Variants in SEC16A observed in about 807,000 individuals in gnomAD.
SEC16A encodes the protein protein transport protein Sec16A.
A neutral mutation model predicts 221.9 loss-of-function variants in SEC16A; 110 were observed. That is an observed-to-expected ratio of 0.50 (90% CI 0.42 to 0.58). SEC16A has a LOEUF of 0.58. SEC16A is among the 20% of genes least tolerant of loss of function. The pLI is 0.00. For synonymous variants in SEC16A, 1,393 were observed against 1,257.7 expected, an observed-to-expected ratio of 1.11 and a Z score of -2.28; for missense variants, 3,165 against 3,097.8, an observed-to-expected ratio of 1.02 and a Z score of -0.52.
rs755607943 is a variant in SEC16A, at chr9:136,477,433, C to A, written c.183G>T (p.Ala61=). 6.2e-7 allele frequency: 1 copy of A among 1,613,874 alleles called. No individual in the cohort carries two copies. The highest frequency in any genetic ancestry group is 8.5e-7 in the Non-Finnish European group (1 of 1,179,906). The change falls in exon 3 of 32, where the codon GCG becomes GCT. Residue 61 remains alanine, a synonymous_variant. Transcript: ENST00000684901. The part of the protein sequence containing the change: ...VTDPFAFSRQ[A]LQSTPLGSSS... ...AACTGCCCAGTGGTGTACTTTGGAG[C>A]GCCTGTCTACTAAAAGCAAATGGAT...
At chr9:136,462,777 G>C (rs141679241) in intron 12 of SEC16A, 110 bp downstream of exon 12, 12 of 1,266,622 alleles carry the variant, frequency 9.5e-6, no homozygotes, top group Non-Finnish European at 1.1e-6. Context: ...ACACTGCAGC[G>C]CGGATGCTCC....
At chr9:136,464,642 C>G (rs776826152) in intron 8 of SEC16A, 80 bp from the exon 9 acceptor site, 1 of 1,244,112 alleles carries the variant, frequency 8.0e-7, no homozygotes, top group Non-Finnish European at 1.1e-6. Flanking sequence ...TGTGCTCACA[C>G]AGCTTAAATC....
chr9:136,454,297 G>A lies in SEC16A; in HGVS notation c.5888C>T (p.Ala1963Val), dbSNP rs79974534. ...GAACATCGGCACTCTGGCAGGACTG[G>A]CCAATGGGCCGTCAGGGAGCGTCTG... Reference protein sequence around the residue: ...APQTLPDGPLASPARVPMFPV... With the variant: ...APQTLPDGPLVSPARVPMFPV... Residue 1963 changes from alanine to valine, a missense_variant, in exon 21 of 32, where the codon GCC becomes GTC. Coordinates refer to ENST00000684901, the MANE Select transcript of SEC16A (RefSeq NM_014866.2). The A allele has an allele frequency of 0.018, 28,930 of 1,581,960 alleles. 342 individuals carry two copies. Among genetic ancestry groups the A allele is most frequent in the Non-Finnish European group, 0.019 (22,104 of 1,164,536 alleles).
At chr9:136,480,844 C>T (rs1332937181) in intron 1 of SEC16A, among the ~76,000 whole-genome samples, 2 of 151,726 alleles carry the variant, frequency 1.3e-5, no homozygotes, top group Admixed American at 6.6e-5. Flanking sequence ...GAGCTGAGAT[C>T]GCGCCACTGC....
chr9:136,444,060 T>C, intron 30 of SEC16A, 160 bp from the exon 31 acceptor site: 1 of 546,270 alleles, frequency 1.8e-6, no homozygotes, highest in Non-Finnish European at 3.2e-6. Context: ...GATTTAGTTA[T>C]TTAATGGTTC....
Position 136,466,182 on chromosome 9 carries a change from C to CAGTAAAACTTTAGGT in SEC16A, c.4129-61_4129-47dup, listed in dbSNP as rs781465957. On this transcript the variant is annotated intron_variant, in intron 7 of 31. Transcript: ENST00000684901. This position sits in a 1 kb window ranked among gnomAD's most constrained non-coding sequence, Gnocchi z 5.5. ...GGCAAAATCAATTCCCCAGGCACAG[C>CAGTAAAACTTTAGGT]AGTAAAACTTTAGGTACATTGCAAA... 24 of 1,568,844 alleles carry CAGTAAAACTTTAGGT rather than the reference C, an allele frequency of 1.5e-5. No homozygotes were observed. The highest frequency in any genetic ancestry group is 1.8e-5 in the Non-Finnish European group (21 of 1,155,104).
intron 5 of SEC16A, among the ~76,000 whole-genome samples, chr9:136,467,687 T>C (rs529078639): frequency 6.6e-6 from 1 of 152,368 alleles, no homozygotes; most frequent in Non-Finnish European, 1.5e-5. Flanking sequence ...TTTTAGCAAG[T>C]ATTAAGAAAA....
chr9:136,476,641 A>C lies in SEC16A; in HGVS notation c.975T>G (p.Asn325Lys). Residue 325 changes from asparagine to lysine, a missense_variant, in exon 3 of 32, where the codon AAT becomes AAG. Around this residue, in one of 3 missense-constraint regions of SEC16A, gnomAD observed 2,030 missense variants for 1,923.1 expected, o/e 1.06. Coordinates refer to ENST00000684901, the MANE Select transcript of SEC16A (RefSeq NM_014866.2). ...PELRQNPGVK[N>K]EHRPASALVN... ...CAAGAGCAGAGGCGGGCCGGTGCTC[A>C]TTCTTCACTCCTGGATTCTGCCTGA... The C allele has an allele frequency of 6.3e-7, 1 of 1,576,492 alleles. No homozygotes were observed. Among genetic ancestry groups the C allele is most frequent in the Non-Finnish European group, 8.6e-7 (1 of 1,159,286 alleles).
upstream of SEC16A, chr9:136,484,269 G>A: frequency 1.2e-6 from 1 of 833,986 alleles, no homozygotes; most frequent in Non-Finnish European, 1.5e-6. Flanking sequence ...GCGCTCGGGC[G>A]GCCAGAGCGA....
chr9:136,454,003 TGTAA>T (rs1416459232), intron 21 of SEC16A, 102 bp downstream of exon 21: 17 of 1,052,878 alleles, frequency 1.6e-5, no homozygotes, highest in Non-Finnish European at 2.4e-5. Flanking sequence ...AGACAAGTAA[TGTAA>T]GTTGTTTCAA....
intron 30 of SEC16A, 81 bp downstream of exon 30, chr9:136,444,971 G>A: frequency 1.6e-6 from 2 of 1,267,106 alleles, no homozygotes; most frequent in South Asian, 2.6e-5. Context: ...AAGCGCACGT[G>A]GCGAACCGGC....
intron 23 of SEC16A, among the ~76,000 whole-genome samples, chr9:136,449,484 A>G (rs1419973490): frequency 2.0e-5 from 3 of 152,246 alleles, no homozygotes; most frequent in Non-Finnish European, 2.9e-5. Flanking sequence ...TCCTGACCTC[A>G]TGATCTGCTC....
At position 136,447,285 on chromosome 9, in the gene SEC16A, G is replaced by T. The variant is rs758871413; in HGVS notation, c.6639C>A (p.Asp2213Glu). 5 of 1,598,390 alleles carry T rather than the reference G, an allele frequency of 3.1e-6. No homozygotes were observed. The Admixed American group carries it at 8.7e-5, about 28-fold the overall frequency. Reference sequence around the variant, plus strand: ...GGAGTGGCGCGAGTGGAGCGACAAAGTCCGCAGGAGCGAGAGCCGGCTCGC... The same window carrying T: ...GGAGTGGCGCGAGTGGAGCGACAAATTCCGCAGGAGCGAGAGCCGGCTCGC... ...QRSEPALAPA[D>E]FVAPLAPLPI... is the part of the protein sequence containing the mutation. Residue 2213 changes from aspartate to glutamate, a missense_variant, in exon 27 of 32, where the codon GAC (aspartate) becomes GAA (glutamate). Physicochemically the swap from Asp to Glu is conservative, Grantham distance 45. Coordinates refer to ENST00000684901, the MANE Select transcript of SEC16A (RefSeq NM_014866.2). The surrounding 1 kb of genome is among the most constrained non-coding windows in gnomAD (Gnocchi z 5.5).
intron 20 of SEC16A, among the ~76,000 whole-genome samples, chr9:136,454,595 C>T (rs1048346194): frequency 6.6e-6 from 1 of 152,170 alleles, no homozygotes; most frequent in Admixed American, 6.5e-5. Context: ...CCGGCCCACA[C>T]GCAAGCCCAT....
At chr9:136,451,530 G>A (rs1837811232) in intron 22 of SEC16A, 122 bp from the exon 23 acceptor site, 1 of 1,154,090 alleles carries the variant, frequency 8.7e-7, no homozygotes, top group Non-Finnish European at 1.2e-6. Flanking sequence ...GGATGACTCT[G>A]GTGACCAGAG....
At chr9:136,460,189 A>G in intron 13 of SEC16A, 66 bp from the exon 14 acceptor site, 7 of 1,327,228 alleles carry the variant, frequency 5.3e-6, no homozygotes, top group Non-Finnish European at 7.4e-6. Flanking sequence ...CCGGCCGGAC[A>G]TGATGGCTCA....
rs369962913 is a variant in SEC16A at position 136,447,540 on chromosome 9, G to A, written c.6559+29C>T. 2.6e-5 allele frequency: 41 copies of A among 1,581,186 alleles called. No individual in the cohort carries two copies. The highest frequency in any genetic ancestry group is 3.4e-5 in the Non-Finnish European group (39 of 1,151,638). ...CTCTCTGGGACAGTTAATCGTTCAA[G>A]CAAGCTCCCACTCCAAGGCCACCCT... On this transcript the variant is annotated intron_variant, in intron 26 of 31. Coordinates refer to ENST00000684901, the MANE Select transcript of SEC16A (RefSeq NM_014866.2). This position sits in a 1 kb window ranked among gnomAD's most constrained non-coding sequence, Gnocchi z 5.5.
In SEC16A at chr9:136,466,267, G is replaced by A. The variant is rs116048441; in HGVS notation, c.4125C>T (p.His1375=). 6.3e-7 allele frequency: 1 copy of A among 1,582,102 alleles called. No individual in the cohort carries two copies. The highest frequency in any genetic ancestry group is 2.3e-5 in the East Asian group (1 of 43,258). The change falls in exon 7 of 32, where the codon CAC becomes CAT. Residue 1375 remains histidine (H), a synonymous_variant. Transcript: ENST00000684901. The surrounding 1 kb of genome is among the most constrained non-coding windows in gnomAD (Gnocchi z 5.5). The stretch of plus-strand genomic sequence containing the variant: ...TCTGTGAGGCGCCGCCGCGTACCTG[G>A]TGCGAGTGGGAGCTGAGGCTGCTGC... ...SRRSSLSSHS[H]QSQIYRSHNV... is the part of the protein sequence containing the mutation.
At position 136,475,812 on chromosome 9, in the gene SEC16A, T is replaced by C. The variant is rs368089712; in HGVS notation, c.1804A>G (p.Ile602Val). The change falls in exon 3 of 32, where the codon ATA becomes GTA. Residue 602 changes from isoleucine to valine, a missense_variant. Ile to Val is a conservative substitution (Grantham distance 29). Around this residue, in one of 3 missense-constraint regions of SEC16A, gnomAD observed 2,030 missense variants for 1,923.1 expected, o/e 1.06. Transcript: ENST00000684901. This position sits in a 1 kb window ranked among gnomAD's most constrained non-coding sequence, Gnocchi z 5.0. Reference sequence around the variant, plus strand: ...GAACTATTTGCACTTGTCTGAAATATTCCTGTAGGTTTCGGGGGGCTCGGG... The same window carrying C: ...GAACTATTTGCACTTGTCTGAAATACTCCTGTAGGTTTCGGGGGGCTCGGG... ...STPSPPKPTG[I>V]FQTSANSSFE... The C allele has an allele frequency of 5.1e-6, 8 of 1,582,692 alleles. No individual in the cohort carries two copies. Among genetic ancestry groups the C allele is most frequent in the South Asian group, 4.6e-5 (4 of 87,328 alleles).
Sources: gnomAD v4.1 joint callset for allele counts (sites outside exome capture counted in the v4.1 genomes callset) on GRCh38, gnomAD v4.1.1 for gene constraint, gnomAD v4.1.1 regional missense constraint, Gnocchi (gnomAD v3.1) non-coding constraint, MANE v1.5 for transcripts, NCBI Gene and HGNC (gene_info 2026-07-23, HGNC 2026-07-21) for gene names.